Variants in NOL7 observed in about 807,000 individuals in gnomAD.
The protein encoded by NOL7 is U3 small nucleolar RNA-associated protein NOL7.
In NOL7, 36 loss-of-function variants were observed where a neutral mutation model predicts 38.4. The observed-to-expected ratio is 0.94, with a 90% confidence interval of 0.72 to 1.24. The LOEUF is 1.24. Among genes scored for constraint, NOL7 ranks in the 50% most tolerant of loss-of-function variants. NOL7 has a pLI of 0.00. For missense variants in NOL7, 350 were observed against 315.1 expected, an observed-to-expected ratio of 1.11 and a Z score of -0.84; for synonymous variants, 142 against 126.5, an observed-to-expected ratio of 1.12 and a Z score of -0.82.
At chr6:13,623,974 T>C (rs2127757398), downstream of NOL7, among the ~76,000 whole-genome samples, 1 of 152,324 alleles carries the variant, frequency 6.6e-6, no homozygotes, top group African/African-American at 2.4e-5. Context: ...TAATTAGGTC[T>C]TAATGATTAC....
chr6:13,632,415 T>C, exon 9 of NOL7: 1 of 1,614,092 alleles, frequency 6.2e-7, no homozygotes. Flanking sequence ...AGTCTCTCCT[T>C]AGCTGTTCAC....
Position 13,615,521 on chromosome 6 carries a change from G to A in NOL7, c.163G>A (p.Gly55Arg). The A allele has an allele frequency of 6.4e-7, 1 of 1,556,368 alleles. No homozygotes were observed. The highest frequency in any genetic ancestry group is 8.7e-7 in the Non-Finnish European group (1 of 1,149,652). The change falls in exon 1 of 8, where the codon GGG (glycine) becomes AGG (arginine). Residue 55 changes from glycine (G) to arginine (R), a missense_variant. Coordinates refer to ENST00000451315, the MANE Select transcript of NOL7 (RefSeq NM_016167.5). ...AAEPLEEDEE[G>R]DDEFDDEAPE... Reference sequence around the variant, plus strand: ...CGAGCCCCTGGAGGAAGACGAGGAAGGGGACGATGAGTTTGACGATGAGGC... The same window carrying A: ...CGAGCCCCTGGAGGAAGACGAGGAAAGGGACGATGAGTTTGACGATGAGGC...
Position 13,615,517 on chromosome 6 carries a change from G to C in NOL7, c.159G>C (p.Glu53Asp). The change falls in exon 1 of 8, where the codon GAG becomes GAC. Residue 53 changes from glutamate to aspartate, a missense_variant. Glu to Asp is a conservative substitution (Grantham distance 45). Coordinates refer to ENST00000451315, the MANE Select transcript of NOL7 (RefSeq NM_016167.5). ...GAAAEPLEEDEEGDDEFDDEA... is the reference protein window; with the variant it reads ...GAAAEPLEEDDEGDDEFDDEA... ...CCGCCGAGCCCCTGGAGGAAGACGA[G>C]GAAGGGGACGATGAGTTTGACGATG... 6.4e-7 allele frequency: 1 copy of C among 1,555,838 alleles called. No individual in the cohort carries two copies. The highest frequency in any genetic ancestry group is 8.7e-7 in the Non-Finnish European group (1 of 1,149,412).
chr6:13,618,110 A>G lies in NOL7; in HGVS notation c.471A>G (p.Lys157=). The change falls in exon 5 of 8, where the codon AAA becomes AAG. Residue 157 remains lysine (K), a synonymous_variant. Transcript: ENST00000451315. The part of the protein sequence containing the change: ...EDCEKGNDSK[K]VKVQKVQSVS... Reference sequence around the variant, plus strand: ...GTGAAAAAGGAAATGACTCCAAGAAAGTTAAAGTACAAAAAGTACAGTCTG... The same window carrying G: ...GTGAAAAAGGAAATGACTCCAAGAAGGTTAAAGTACAAAAAGTACAGTCTG... 1.3e-6 allele frequency: 2 copies of G among 1,593,316 alleles called. No individual in the cohort carries two copies. Among genetic ancestry groups the G allele is most frequent in the South Asian group, 2.2e-5 (2 of 90,076 alleles).
downstream of NOL7, among the ~76,000 whole-genome samples, chr6:13,623,688 T>C (rs1355054016): frequency 6.6e-6 from 1 of 152,226 alleles, no homozygotes; most frequent in Admixed American, 6.5e-5. Context: ...TTCATAACAC[T>C]ATATAGATGG....
rs1270607492 is a variant in NOL7 at position 13,615,447 on chromosome 6, A to AGGC, written c.92_94dup (p.Ala31dup). The AGGC allele has an allele frequency of 1.3e-6, 2 of 1,549,712 alleles. No homozygotes were observed. The highest frequency in any genetic ancestry group is 1.7e-6 in the Non-Finnish European group (2 of 1,146,758). Reference sequence around the variant, plus strand: ...GGCCAGCTGGCCTCGGAGGAGGAGGAGGCGGAGCACGGGCTGTTGCTCGGG... The same window carrying AGGC: ...GGCCAGCTGGCCTCGGAGGAGGAGGAGGCGGCGGAGCACGGGCTGTTGCTCGGG... On this transcript the variant is annotated inframe_insertion, in exon 1 of 8. Transcript: ENST00000451315.
At chr6:13,626,654 C>G (rs1764613915), downstream of NOL7, among the ~76,000 whole-genome samples, 1 of 152,182 alleles carries the variant, frequency 6.6e-6, no homozygotes, top group Non-Finnish European at 1.5e-5. Context: ...ATTCAGAACA[C>G]TCTTACCAAT....
downstream of NOL7, among the ~76,000 whole-genome samples, chr6:13,626,631 T>C (rs1254941306): frequency 6.6e-6 from 1 of 152,180 alleles, no homozygotes; most frequent in Middle Eastern, 3.2e-3. Context: ...TATACAAATA[T>C]AAAAATAGAG....
intron 5 of NOL7, among the ~76,000 whole-genome samples, chr6:13,619,793 TTATCC>T (rs1250494884): frequency 6.6e-6 from 1 of 152,228 alleles, no homozygotes; most frequent in Non-Finnish European, 1.5e-5. Flanking sequence ...TAATTTAGTT[TTATCC>T]TATCTGTGCA....
At chr6:13,627,289 G>T (rs1263806172) in intron 8 of NOL7, among the ~76,000 whole-genome samples, 1 of 152,040 alleles carries the variant, frequency 6.6e-6, no homozygotes, top group African/African-American at 2.4e-5. Context: ...CCCATGGAAA[G>T]AATATATGAC....
At chr6:13,630,106 G>T (rs1764736601) in intron 8 of NOL7, among the ~76,000 whole-genome samples, 1 of 152,030 alleles carries the variant, frequency 6.6e-6, no homozygotes, top group Non-Finnish European at 1.5e-5. Context: ...AAATCATCCG[G>T]CCTTGTTCTT....
At chr6:13,628,058 A>G (rs1449765938) in intron 8 of NOL7, among the ~76,000 whole-genome samples, 1 of 152,190 alleles carries the variant, frequency 6.6e-6, no homozygotes. Context: ...GTGCACTAAT[A>G]TTGTGTGAAG....
At chr6:13,627,823 C>T (rs1764660056) in intron 8 of NOL7, among the ~76,000 whole-genome samples, 1 of 151,884 alleles carries the variant, frequency 6.6e-6, no homozygotes, top group African/African-American at 2.4e-5. Flanking sequence ...ATATTCATAG[C>T]CTACATCCTA....
intron 8 of NOL7, among the ~76,000 whole-genome samples, chr6:13,628,834 A>T (rs917120231): frequency 6.6e-6 from 1 of 152,228 alleles, no homozygotes; most frequent in Non-Finnish European, 1.5e-5. Context: ...AGTAGCATTA[A>T]TGTAGTAGTG....
Position 13,615,435 on chromosome 6 carries a change from CGGA to C in NOL7, c.89_91del (p.Glu30del), listed in dbSNP as rs369237990. 6 of 1,548,506 alleles carry C rather than the reference CGGA, an allele frequency of 3.9e-6. No homozygotes were observed. The highest frequency in any genetic ancestry group is 3.9e-5 in the Admixed American group (2 of 50,832). ...ATGGTGGACGAGGGCCAGCTGGCCT[CGGA>C]GGAGGAGGAGGCGGAGCACGGGCTG... On this transcript the variant is annotated inframe_deletion, in exon 1 of 8. Coordinates refer to ENST00000451315, the MANE Select transcript of NOL7 (RefSeq NM_016167.5).
At chr6:13,622,216 T>C, downstream of NOL7, 2 of 737,646 alleles carry the variant, frequency 2.7e-6, no homozygotes, top group Non-Finnish European at 1.9e-6. Flanking sequence ...ATTTGCATCA[T>C]GCTGTAAACT....
At position 13,615,517 on chromosome 6, in the gene NOL7, G is replaced by A; in HGVS notation, c.159G>A (p.Glu53=). 2 of 1,555,838 alleles carry A rather than the reference G, an allele frequency of 1.3e-6. No individual in the cohort carries two copies. The highest frequency in any genetic ancestry group is 1.7e-6 in the Non-Finnish European group (2 of 1,149,412). The change falls in exon 1 of 8, where the codon GAG becomes GAA. Residue 53 remains glutamate, a synonymous_variant. Coordinates refer to ENST00000451315, the MANE Select transcript of NOL7 (RefSeq NM_016167.5). ...GAAAEPLEED[E]EGDDEFDDEA... is the part of the protein sequence containing the mutation. Reference sequence around the variant, plus strand: ...CCGCCGAGCCCCTGGAGGAAGACGAGGAAGGGGACGATGAGTTTGACGATG... The same window carrying A: ...CCGCCGAGCCCCTGGAGGAAGACGAAGAAGGGGACGATGAGTTTGACGATG...
At chr6:13,629,195 C>T (rs1238299299) in intron 8 of NOL7, among the ~76,000 whole-genome samples, 2 of 152,140 alleles carry the variant, frequency 1.3e-5, no homozygotes, top group Non-Finnish European at 2.9e-5. Context: ...ACTGCAGCCT[C>T]GAGCTTCTGG....
chr6:13,622,380 C>A (rs751481700), downstream of NOL7: 3 of 1,592,582 alleles, frequency 1.9e-6, no homozygotes, highest in Middle Eastern at 1.7e-4. Flanking sequence ...GGTAGTCTTC[C>A]ACTGTGGCAA....
Sources: gnomAD v4.1 joint callset for allele counts (sites outside exome capture counted in the v4.1 genomes callset) on GRCh38, gnomAD v4.1.1 for gene constraint, MANE v1.5 for transcripts, NCBI Gene and HGNC (gene_info 2026-07-23, HGNC 2026-07-21) for gene names.